Variants in SSBP2 observed in about 807,000 individuals in gnomAD.
The protein encoded by SSBP2 is single stranded DNA binding protein 2, also known as single-stranded DNA-binding protein 2.
SSBP2 carries 17 observed loss-of-function variants against 61.8 expected under a neutral mutation model. That is an observed-to-expected ratio of 0.28 (90% CI 0.19 to 0.41). SSBP2 has a LOEUF of 0.41. Ranked by LOEUF, SSBP2 falls within the 10% of genes least tolerant of loss-of-function variation. The pLI is 1.00. For missense variants in SSBP2, 310 were observed against 458.7 expected (o/e 0.68, Z 2.96); for synonymous variants, 139 against 141.3 (o/e 0.98, Z 0.12).
At chr5:81,602,872 G>C (rs1283191532) in intron 4 of SSBP2, among the ~76,000 whole-genome samples, 1 of 151,972 alleles carries the variant, frequency 6.6e-6, no homozygotes, top group African/African-American at 2.4e-5. Context: ...GCTACCACTA[G>C]ATAACAGAGA....
chr5:81,544,290 G>A lies in SSBP2; in HGVS notation c.283-30573C>T, dbSNP rs6870325. On this transcript the variant is annotated intron_variant, in intron 4 of 16. Transcript: ENST00000320672. The stretch of plus-strand genomic sequence containing the variant: ...TCTTCAACTCCTGACCTCGTGATCC[G>A]CCCCCCTCAGCCACCCAAGGTGCTT... 2.2e-3 allele frequency among the ~76,000 whole-genome samples: 327 copies of A among 151,862 alleles called. 2 individuals are homozygous for A. Among genetic ancestry groups the A allele is most frequent in the African/African-American group, 7.4e-3 (306 of 41,420 alleles).
intron 4 of SSBP2, among the ~76,000 whole-genome samples, chr5:81,578,613 T>C (rs891169415): frequency 1.4e-4 from 21 of 150,366 alleles, no homozygotes; most frequent in Non-Finnish European, 1.9e-4. Flanking sequence ...AAGAAGAAAA[T>C]TGATAAAAAA....
At chr5:81,657,584 T>C (rs1581267695) in intron 1 of SSBP2, among the ~76,000 whole-genome samples, 1 of 152,102 alleles carries the variant, frequency 6.6e-6, no homozygotes, top group East Asian at 1.9e-4. Context: ...CCAGTGAAAC[T>C]AGTATGGCCA....
At chr5:81,532,168 A>G (rs1172210800) in intron 4 of SSBP2, among the ~76,000 whole-genome samples, 1 of 152,132 alleles carries the variant, frequency 6.6e-6, no homozygotes, top group Non-Finnish European at 1.5e-5. Context: ...AGTTTATTTG[A>G]TGAAAAAAAT....
intron 10 of SSBP2, among the ~76,000 whole-genome samples, chr5:81,451,227 G>A (rs999593639): frequency 4.0e-5 from 6 of 151,796 alleles, no homozygotes; most frequent in African/African-American, 9.7e-5. Context: ...TAAATATTTC[G>A]TCTTCCTGTC....
intron 4 of SSBP2, among the ~76,000 whole-genome samples, chr5:81,537,043 G>A (rs775953903): frequency 1.3e-5 from 2 of 152,046 alleles, no homozygotes; most frequent in South Asian, 2.1e-4. Flanking sequence ...TCTGTTTTAG[G>A]AAAGATTAGA....
chr5:81,474,591 C>T (rs1765463286), intron 6 of SSBP2, 29 bp from the exon 7 acceptor site: 23 of 1,518,066 alleles, frequency 1.5e-5, no homozygotes, highest in Non-Finnish European at 2.1e-5. Flanking sequence ...AAATAAAGAG[C>T]AATATTGTAA....
At chr5:81,684,528 C>G (rs1752625536) in intron 1 of SSBP2, among the ~76,000 whole-genome samples, 2 of 152,152 alleles carry the variant, frequency 1.3e-5, no homozygotes, top group Admixed American at 1.3e-4. Context: ...GGACCCACCT[C>G]TTGCATCATT....
intron 4 of SSBP2, among the ~76,000 whole-genome samples, chr5:81,530,037 T>A (rs148419617): frequency 7.2e-5 from 11 of 151,900 alleles, no homozygotes; most frequent in African/African-American, 2.7e-4. Context: ...TACAGAGAAA[T>A]GAAGGCAAAT....
At chr5:81,496,782 A>G (rs1321951732) in intron 5 of SSBP2, among the ~76,000 whole-genome samples, 1 of 152,176 alleles carries the variant, frequency 6.6e-6, no homozygotes, top group Non-Finnish European at 1.5e-5. Context: ...CTGCCATTTT[A>G]GTCTTCTTTT....
chr5:81,478,349 T>C (rs1765732869), intron 6 of SSBP2, among the ~76,000 whole-genome samples: 1 of 151,618 alleles, frequency 6.6e-6, no homozygotes, highest in Non-Finnish European at 1.5e-5. Flanking sequence ...TATTTATTTA[T>C]TTTTTTTCTG....
intron 1 of SSBP2, among the ~76,000 whole-genome samples, chr5:81,655,227 A>G (rs1750112065): frequency 6.6e-6 from 1 of 152,180 alleles, no homozygotes; most frequent in Admixed American, 6.5e-5. Flanking sequence ...TAAATATTGA[A>G]TATACAAATA....
chr5:81,510,840 T>C (rs1376342612), intron 5 of SSBP2, among the ~76,000 whole-genome samples: 12 of 152,182 alleles, frequency 7.9e-5, no homozygotes, highest in Non-Finnish European at 1.6e-4. Context: ...TCCTCTGCAA[T>C]TCTGACTACA....
At chr5:81,742,702 T>A (rs1369816215) in intron 1 of SSBP2, among the ~76,000 whole-genome samples, 1 of 151,842 alleles carries the variant, frequency 6.6e-6, no homozygotes, top group Non-Finnish European at 1.5e-5. Context: ...ATGGTGAAAC[T>A]CCCTCTCTGC....
At chr5:81,428,477 C>A in intron 16 of SSBP2, 108 bp downstream of exon 16, 1 of 715,332 alleles carries the variant, frequency 1.4e-6, no homozygotes, top group East Asian at 2.7e-5. Flanking sequence ...AAAAGATAAA[C>A]CTGTTGAACT....
At chr5:81,552,477 A>G (rs1352346002) in intron 4 of SSBP2, among the ~76,000 whole-genome samples, 3 of 151,976 alleles carry the variant, frequency 2.0e-5, no homozygotes, top group Non-Finnish European at 4.4e-5. Flanking sequence ...TGTCTCTACT[A>G]AAATACAAAA....
intron 1 of SSBP2, among the ~76,000 whole-genome samples, chr5:81,702,091 G>A (rs1051611907): frequency 5.3e-5 from 8 of 151,974 alleles, no homozygotes; most frequent in African/African-American, 1.2e-4. Context: ...AAAAAGATTC[G>A]GCCAGGCACG....
At chr5:81,545,877 T>C (rs1005830665) in intron 4 of SSBP2, among the ~76,000 whole-genome samples, 1 of 152,214 alleles carries the variant, frequency 6.6e-6, no homozygotes, top group East Asian at 1.9e-4. Context: ...AATTTCTTTG[T>C]CATAGGCCTT....
chr5:81,692,842 A>G (rs1357363346), intron 1 of SSBP2, among the ~76,000 whole-genome samples: 1 of 152,196 alleles, frequency 6.6e-6, no homozygotes, highest in Non-Finnish European at 1.5e-5. Flanking sequence ...TTCTCACCAT[A>G]TATAAAAACC....
Sources: gnomAD v4.1 joint callset for allele counts (sites outside exome capture counted in the v4.1 genomes callset) on GRCh38, gnomAD v4.1.1 for gene constraint, MANE v1.5 for transcripts, NCBI Gene and HGNC (gene_info 2026-07-23, HGNC 2026-07-21) for gene names.